The following MTOR variants were observed in gnomAD, a reference collection of about 807,000 sequenced individuals.
MTOR encodes the protein serine/threonine-protein kinase mTOR.
Under a neutral mutation model 319.8 loss-of-function variants are expected in MTOR, and 70 were observed. That is an observed-to-expected ratio of 0.22 (90% CI 0.18 to 0.27). The LOEUF is 0.27. Among genes scored for constraint, MTOR ranks in the 10% least tolerant of loss-of-function variants. MTOR has a pLI of 1.00. For synonymous variants in MTOR, 1,183 were observed against 1,211.4 expected, an observed-to-expected ratio of 0.98 and a Z score of 0.49; for missense variants, 1,890 against 3,274.4, an observed-to-expected ratio of 0.58 and a Z score of 10.32.
intron 28 of MTOR, among the ~76,000 whole-genome samples, chr1:11,188,132 G>A (rs1296534986): frequency 1.3e-5 from 2 of 152,236 alleles, no homozygotes; most frequent in Non-Finnish European, 2.9e-5. Flanking sequence ...GACCCACGCT[G>A]ACTACAACAG....
At chr1:11,139,950 A>G (rs890765283) in intron 34 of MTOR, among the ~76,000 whole-genome samples, 1 of 152,118 alleles carries the variant, frequency 6.6e-6, no homozygotes, top group African/African-American at 2.4e-5. Context: ...TTGGCCTCCC[A>G]AAGTGCTGGG....
intron 25 of MTOR, among the ~76,000 whole-genome samples, chr1:11,205,069 C>G (rs1033657981): frequency 8.5e-5 from 13 of 152,204 alleles, no homozygotes; most frequent in Non-Finnish European, 2.9e-5. Flanking sequence ...GCTCATCTGA[C>G]AGTGAAGAGT....
chr1:11,150,388 T>C (rs530581145), intron 30 of MTOR, among the ~76,000 whole-genome samples, 162 bp from the exon 31 acceptor site: 2 of 152,252 alleles, frequency 1.3e-5, no homozygotes, highest in African/African-American at 2.4e-5. Flanking sequence ...AATGGGCTAT[T>C]TGTTGTTTCT....
intron 28 of MTOR, among the ~76,000 whole-genome samples, chr1:11,188,297 T>C (rs555983696): frequency 7.9e-5 from 12 of 152,332 alleles, no homozygotes; most frequent in African/African-American, 2.9e-4. Context: ...GTTTTTCACA[T>C]TTCTTTTCAA....
At chr1:11,210,718 G>T in intron 24 of MTOR, 96 bp downstream of exon 24, 1 of 984,426 alleles carries the variant, frequency 1.0e-6, no homozygotes. Flanking sequence ...CTAATTTACA[G>T]CCAAAAAGCT....
In MTOR at chr1:11,193,676, A is replaced by C. The variant is rs148938543; in HGVS notation, c.4253+5582T>G. On this transcript the variant is annotated intron_variant, in intron 28 of 57. Coordinates refer to ENST00000361445, the MANE Select transcript of MTOR (RefSeq NM_004958.4). The stretch of plus-strand genomic sequence containing the variant: ...CTTCTACCGGGACTGGAAGCAGTAC[A>C]AGCAGGGCTTTGGCAGCATCCGTGG... The C allele has an allele frequency of 3.3e-5, 54 of 1,614,010 alleles. No individual in the cohort carries two copies. In the African/African-American group the frequency reaches 5.9e-4, roughly 18 times the overall value.
chr1:11,225,524 C>T (rs548892701), intron 19 of MTOR, among the ~76,000 whole-genome samples: 122 of 151,468 alleles, frequency 8.1e-4, no homozygotes, highest in African/African-American at 2.9e-3. Flanking sequence ...CAGATTCAAG[C>T]GATTCTCCCA....
intron 36 of MTOR, among the ~76,000 whole-genome samples, chr1:11,135,409 CATT>C (rs1405433237): frequency 2.6e-5 from 4 of 152,190 alleles, no homozygotes; most frequent in East Asian, 3.9e-4. Context: ...GGAAAGGAAA[CATT>C]ATATGAGAGA....
intron 31 of MTOR, 50 bp downstream of exon 31, chr1:11,150,076 T>C: frequency 6.5e-7 from 1 of 1,538,988 alleles, no homozygotes; most frequent in Non-Finnish European, 9.0e-7. Flanking sequence ...TGCGAGCCCC[T>C]AGCCTCACTC....
At chr1:11,189,889 G>C in intron 28 of MTOR, 1 of 1,614,092 alleles carries the variant, frequency 6.2e-7, no homozygotes, top group Non-Finnish European at 8.5e-7. Flanking sequence ...CAAGTACTCC[G>C]AGATGAACAA....
chr1:11,252,141 T>C (rs963673461), intron 6 of MTOR, among the ~76,000 whole-genome samples: 3 of 152,204 alleles, frequency 2.0e-5, no homozygotes, highest in Admixed American at 1.3e-4. Context: ...ATATAACCTA[T>C]GTATAGCTTC....
chr1:11,256,368 A>C, intron 4 of MTOR, 176 bp from the exon 5 acceptor site: 1 of 959,554 alleles, frequency 1.0e-6, no homozygotes, highest in Non-Finnish European at 1.2e-6. Flanking sequence ...TAAACATCTC[A>C]GTGCTCATTA....
At position 11,240,922 on chromosome 1, in the gene MTOR, T is replaced by C. The variant is rs113668721; in HGVS notation, c.1542-375A>G. Among the ~76,000 whole-genome samples, 716 of 152,236 alleles carry C rather than the reference T, an allele frequency of 4.7e-3. 4 individuals are homozygous for C. Among genetic ancestry groups the C allele is most frequent in the African/African-American group, 0.016 (647 of 41,522 alleles). On this transcript the variant is annotated intron_variant, in intron 10 of 57. Coordinates refer to ENST00000361445, the MANE Select transcript of MTOR (RefSeq NM_004958.4). Reference sequence around the variant, plus strand: ...TATACACAATATTTGCAAATATTTATTGAGTACTTCCTATATGCCAGGCAT... The same window carrying C: ...TATACACAATATTTGCAAATATTTACTGAGTACTTCCTATATGCCAGGCAT...
At chr1:11,221,821 C>T (rs960952375) in intron 19 of MTOR, among the ~76,000 whole-genome samples, 1 of 149,660 alleles carries the variant, frequency 6.7e-6, no homozygotes, top group African/African-American at 2.5e-5. Flanking sequence ...TTCTTAAACA[C>T]ACAAGTAGTA....
At position 11,128,314 on chromosome 1, in the gene MTOR, G is replaced by T; in HGVS notation, c.5910+140C>A. 8.2e-7 allele frequency: 1 copy of T among 1,219,510 alleles called. No homozygotes were observed. The highest frequency in any genetic ancestry group is 1.2e-6 in the Non-Finnish European group (1 of 866,396). The allele number at this position is 1,219,510 out of a possible 1,614,324, so 75.5% of individuals were successfully genotyped here. A position where few individuals can be genotyped will look rare whatever the true frequency, so the allele number is the denominator to read the frequency against. On this transcript the variant is annotated intron_variant, in intron 42 of 57. Coordinates refer to ENST00000361445, the MANE Select transcript of MTOR (RefSeq NM_004958.4). The surrounding 1 kb of genome is among the most constrained non-coding windows in gnomAD (Gnocchi z 5.3). ...GCAAGGCTCCCGGGCCCTCTGGGAC[G>T]GCTGGCTGGACAGACCCTCCTGGGC...
intron 28 of MTOR, among the ~76,000 whole-genome samples, chr1:11,198,215 G>A (rs1645850295): frequency 6.6e-6 from 1 of 152,178 alleles, no homozygotes; most frequent in Non-Finnish European, 1.5e-5. Flanking sequence ...CACATTTACT[G>A]TGCCTGATGT....
intron 19 of MTOR, among the ~76,000 whole-genome samples, chr1:11,218,392 T>G (rs1160076870): frequency 9.9e-5 from 15 of 151,436 alleles, no homozygotes; most frequent in Non-Finnish European, 5.9e-5. Flanking sequence ...GTCACACCAT[T>G]GTACTCCAAC....
chr1:11,125,901 T>C (rs12354300), intron 46 of MTOR, among the ~76,000 whole-genome samples: 14,769 of 150,332 alleles, frequency 0.098, 1,218 homozygotes, highest in African/African-American at 0.21. Flanking sequence ...ATTAGCTAGG[T>C]GTGGTGGTGC....
chr1:11,235,384 TGAGGCAGGTGGACTGCTC>T (rs1647168203), intron 13 of MTOR, among the ~76,000 whole-genome samples: 1 of 151,788 alleles, frequency 6.6e-6, no homozygotes, highest in Non-Finnish European at 1.5e-5. Flanking sequence ...TTTAGGAGGC[TGAGGCAGGTGGACTGCTC>T]GAGCCCAAGA....
Sources: allele counts gnomAD v4.1 joint callset (sites outside exome capture counted in the v4.1 genomes callset), GRCh38; gene constraint gnomAD v4.1.1; non-coding constraint Gnocchi (gnomAD v3.1); transcripts MANE v1.5; gene names NCBI Gene and HGNC (gene_info 2026-07-23, HGNC 2026-07-21).